The following DLG2 variants were observed in gnomAD, a reference collection of about 807,000 sequenced individuals.
DLG2 encodes disks large homolog 2.
In DLG2, 45 loss-of-function variants were observed where a neutral mutation model predicts 132.5. The observed-to-expected ratio is 0.34, with a 90% confidence interval of 0.27 to 0.44. The LOEUF is 0.44. Ranked by LOEUF, DLG2 falls within the 20% of genes least tolerant of loss-of-function variation. The pLI, the probability that DLG2 is intolerant of heterozygous loss-of-function variation, is 1.00. For synonymous variants in DLG2, 424 were observed against 419.6 expected (o/e 1.01, Z -0.13); for missense variants, 1,045 against 1,196.9 (o/e 0.87, Z 1.87).
chr11:84,290,535 T>G, intron 7 of DLG2, among the ~76,000 whole-genome samples: 1 of 152,048 alleles, frequency 6.6e-6, no homozygotes, highest in Non-Finnish European at 1.5e-5. Flanking sequence ...TGAGTTTTTG[T>G]GTGTGAGGGA....
intron 7 of DLG2, among the ~76,000 whole-genome samples, chr11:84,533,780 G>A (rs1354276069): frequency 6.6e-6 from 1 of 151,674 alleles, no homozygotes; most frequent in East Asian, 1.9e-4. Context: ...TAATTGGTAG[G>A]TGCTTTTATT....
At chr11:83,582,549 C>T (rs1171842046) in intron 19 of DLG2, among the ~76,000 whole-genome samples, 2 of 152,194 alleles carry the variant, frequency 1.3e-5, no homozygotes, top group Non-Finnish European at 2.9e-5. Flanking sequence ...AGCTCATCAG[C>T]AAAATCATAA....
chr11:83,507,163 T>C (rs2094747421), intron 21 of DLG2, among the ~76,000 whole-genome samples: 1 of 152,134 alleles, frequency 6.6e-6, no homozygotes, highest in Non-Finnish European at 1.5e-5. Flanking sequence ...ATCAGGAATG[T>C]CAAATGCATT....
chr11:84,623,471 C>G (rs2099617279), intron 6 of DLG2, among the ~76,000 whole-genome samples: 1 of 152,104 alleles, frequency 6.6e-6, no homozygotes, highest in Non-Finnish European at 1.5e-5. Context: ...TTATGGATCA[C>G]TTATATCATT....
chr11:85,087,860 A>AAAAAAAAAAAAAAAAAG (rs1566822706), intron 6 of DLG2, among the ~76,000 whole-genome samples: 1 of 147,676 alleles, frequency 6.8e-6, no homozygotes, highest in African/African-American at 2.5e-5. Context: ...AAAAAAAAAA[A>AAAAAAAAAAAAAAAAAG]AAAAAAAAAC....
intron 3 of DLG2, among the ~76,000 whole-genome samples, chr11:85,343,229 A>G (rs956334614): frequency 1.3e-5 from 2 of 152,134 alleles, no homozygotes; most frequent in African/African-American, 4.8e-5. Flanking sequence ...ACACAATTCC[A>G]TTATTTCCCA....
intron 6 of DLG2, among the ~76,000 whole-genome samples, chr11:84,686,395 T>C (rs1288414342): frequency 1.3e-5 from 2 of 152,166 alleles, no homozygotes; most frequent in African/African-American, 4.8e-5. Context: ...TGTCTGGAGA[T>C]CTAAAATAAC....
chr11:83,526,260 A>G (rs1202388830), intron 21 of DLG2, among the ~76,000 whole-genome samples: 2 of 152,162 alleles, frequency 1.3e-5, no homozygotes, highest in African/African-American at 2.4e-5. Context: ...ATGGTTTCCT[A>G]TTTTGCTTTC....
chr11:85,226,171 A>G (rs1349887439), intron 4 of DLG2, among the ~76,000 whole-genome samples: 10 of 150,652 alleles, frequency 6.6e-5, no homozygotes. Context: ...TAAAAATAAT[A>G]TAATTGCATA....
At chr11:85,237,683 G>A (rs1011259080) in intron 4 of DLG2, among the ~76,000 whole-genome samples, 10 of 152,038 alleles carry the variant, frequency 6.6e-5, no homozygotes, top group Non-Finnish European at 1.2e-4. Context: ...CCTCCTGTCT[G>A]TAGTTTAGAT....
chr11:84,651,937 A>G (rs904167395), intron 6 of DLG2, among the ~76,000 whole-genome samples: 2 of 152,172 alleles, frequency 1.3e-5, no homozygotes, highest in Admixed American at 1.3e-4. Flanking sequence ...GGTCAGAATT[A>G]TTGGAAGGCG....
At chr11:85,226,951 GC>G (rs2075014116) in intron 4 of DLG2, among the ~76,000 whole-genome samples, 1 of 152,114 alleles carries the variant, frequency 6.6e-6, no homozygotes, top group African/African-American at 2.4e-5. Context: ...CTTTGGTGAA[GC>G]TTAAACATTC....
chr11:83,996,530 A>C (rs756620178), intron 11 of DLG2, among the ~76,000 whole-genome samples: 2 of 152,216 alleles, frequency 1.3e-5, no homozygotes, highest in Non-Finnish European at 2.9e-5. Flanking sequence ...TGCTTATTGC[A>C]GCACTATTTA....
At chr11:83,590,379 C>A (rs2097167038) in intron 19 of DLG2, among the ~76,000 whole-genome samples, 1 of 152,086 alleles carries the variant, frequency 6.6e-6, no homozygotes, top group Non-Finnish European at 1.5e-5. Context: ...ACAACCTGCT[C>A]CTGAATGACT....
chr11:84,591,546 A>G (rs1415073672), intron 6 of DLG2, among the ~76,000 whole-genome samples: 2 of 151,896 alleles, frequency 1.3e-5, no homozygotes, highest in Non-Finnish European at 2.9e-5. Flanking sequence ...CTGTAATCTC[A>G]GCTACTGGGG....
intron 4 of DLG2, among the ~76,000 whole-genome samples, chr11:85,198,074 T>C (rs2081194151): frequency 6.6e-6 from 1 of 151,886 alleles, no homozygotes; most frequent in Non-Finnish European, 1.5e-5. Context: ...TAGACGCAGG[T>C]CTAGCCAACA....
intron 8 of DLG2, among the ~76,000 whole-genome samples, chr11:84,167,560 G>C (rs1352838196): frequency 6.6e-6 from 1 of 152,004 alleles, no homozygotes; most frequent in African/African-American, 2.4e-5. Flanking sequence ...ATATTTTAAT[G>C]TTGTTTCATT....
chr11:85,452,636 C>T (rs1424598192), intron 3 of DLG2: 2 of 198,006 alleles, frequency 1.0e-5, no homozygotes, highest in Non-Finnish European at 2.2e-5. Flanking sequence ...GGACCATCTC[C>T]ATACTGTGTA....
At chr11:84,766,803 C>G (rs2068483729) in intron 6 of DLG2, among the ~76,000 whole-genome samples, 1 of 152,020 alleles carries the variant, frequency 6.6e-6, no homozygotes, top group Non-Finnish European at 1.5e-5. Context: ...TCGTTATAGT[C>G]TTGCTTATAG....
Sources: gnomAD v4.1 joint callset for allele counts (sites outside exome capture counted in the v4.1 genomes callset) on GRCh38, gnomAD v4.1.1 for gene constraint, MANE v1.5 for transcripts, NCBI Gene and HGNC (gene_info 2026-07-23, HGNC 2026-07-21) for gene names.